Variants in DLG2 observed in about 807,000 individuals in gnomAD.
The protein encoded by DLG2 is discs large MAGUK scaffold protein 2.
In DLG2, 45 loss-of-function variants were observed where a neutral mutation model predicts 132.5. That is an observed-to-expected ratio of 0.34 (90% CI 0.27 to 0.44). The LOEUF (loss-of-function observed/expected upper bound fraction) is 0.44. Ranked by LOEUF, DLG2 falls within the 20% of genes least tolerant of loss-of-function variation. DLG2 has a pLI of 1.00. For synonymous variants in DLG2, 424 were observed against 419.6 expected, an observed-to-expected ratio of 1.01 and a Z score of -0.13; for missense variants, 1,045 against 1,196.9, an observed-to-expected ratio of 0.87 and a Z score of 1.87.
chr11:83,526,475 G>A (rs757542140), intron 21 of DLG2, among the ~76,000 whole-genome samples: 20 of 152,020 alleles, frequency 1.3e-4, no homozygotes, highest in Non-Finnish European at 1.2e-4. Context: ...GGTAGACATC[G>A]TGCTAGGTGC....
intron 15 of DLG2, among the ~76,000 whole-genome samples, chr11:83,887,885 G>C (rs2068414067): frequency 6.6e-6 from 1 of 150,586 alleles, no homozygotes; most frequent in Non-Finnish European, 1.5e-5. Context: ...AAAGGCCTTT[G>C]ACAAAATTCA....
At chr11:85,296,655 A>G (rs1259807882) in intron 3 of DLG2, among the ~76,000 whole-genome samples, 2 of 151,492 alleles carry the variant, frequency 1.3e-5, no homozygotes, top group East Asian at 3.9e-4. Context: ...TATCACTTGA[A>G]AAAAGTATCA....
At chr11:85,200,874 T>C (rs2081405891) in intron 4 of DLG2, among the ~76,000 whole-genome samples, 1 of 152,088 alleles carries the variant, frequency 6.6e-6, no homozygotes, top group Admixed American at 6.5e-5. Flanking sequence ...CAGACCTGTC[T>C]GAGCTAATGA....
At chr11:84,744,854 C>T (rs922215989) in intron 6 of DLG2, among the ~76,000 whole-genome samples, 1 of 137,342 alleles carries the variant, frequency 7.3e-6, no homozygotes, top group Non-Finnish European at 1.5e-5. Context: ...TTTTGAACTA[C>T]GAAAGTTTCT....
In DLG2 at chr11:83,833,241, C is replaced by T. The variant is rs577471539; in HGVS notation, c.1722+373G>A. On this transcript the variant is annotated intron_variant, in intron 17 of 27. Transcript: ENST00000376104. ...TCACCTGAGGTCAGGAGTTTGAGAC[C>T]AGTCTGGACAACATGGCGAAACCCT... 2.6e-5 allele frequency among the ~76,000 whole-genome samples: 4 copies of T among 152,174 alleles called. No homozygotes were observed. The East Asian group carries it at 7.7e-4, about 29-fold the overall frequency.
chr11:84,093,389 C>G (rs1392397066), intron 10 of DLG2, among the ~76,000 whole-genome samples: 2 of 152,174 alleles, frequency 1.3e-5, no homozygotes, highest in Non-Finnish European at 2.9e-5. Flanking sequence ...CCTTCATTTT[C>G]AATCCAGCAA....
At position 84,855,219 on chromosome 11, in the gene DLG2, T is replaced by C. The variant is rs547438917; in HGVS notation, c.357+256442A>G. ...TGGTTATGGAATTTGAATCTCACAC[T>C]TGGATTTAACATCAAGTATTATACA... On this transcript the variant is annotated intron_variant, in intron 6 of 27. Transcript: ENST00000376104. Among the ~76,000 whole-genome samples, 12 of 152,230 alleles carry C rather than the reference T, an allele frequency of 7.9e-5. No homozygotes were observed. The East Asian group carries it at 2.1e-3, about 27-fold the overall frequency.
At chr11:83,810,719 C>G (rs184886744) in intron 17 of DLG2, among the ~76,000 whole-genome samples, 2 of 152,162 alleles carry the variant, frequency 1.3e-5, no homozygotes, top group Non-Finnish European at 2.9e-5. Flanking sequence ...TCTGCCTTTT[C>G]CCATGCAAAA....
At chr11:85,352,340 T>A (rs991655124) in intron 3 of DLG2, among the ~76,000 whole-genome samples, 1 of 152,230 alleles carries the variant, frequency 6.6e-6, no homozygotes, top group Non-Finnish European at 1.5e-5. Context: ...ACCTATTTTG[T>A]TGATCTTTTC....
chr11:83,827,090 G>A lies in DLG2; in HGVS notation c.1722+6524C>T, dbSNP rs528106600. ...CCGGGAACCAGAGCCAGAGAGGAAC[G>A]GCACGGCAGGTATGGCATGGTGACT... is the stretch of plus-strand genomic sequence containing the variant. On this transcript the variant is annotated intron_variant, in intron 17 of 27. Coordinates refer to ENST00000376104, the MANE Select transcript of DLG2 (RefSeq NM_001142699.3). 5.9e-5 allele frequency among the ~76,000 whole-genome samples: 9 copies of A among 152,220 alleles called. No homozygotes were observed. In the South Asian group the frequency reaches 8.3e-4, roughly 14 times the overall value.
At chr11:84,943,933 T>C (rs1363197718) in intron 6 of DLG2, among the ~76,000 whole-genome samples, 2 of 152,222 alleles carry the variant, frequency 1.3e-5, no homozygotes, top group African/African-American at 2.4e-5. Flanking sequence ...AAATCTATTG[T>C]ATATGAAATC....
chr11:85,047,308 A>G (rs1290956262), intron 6 of DLG2, among the ~76,000 whole-genome samples: 1 of 151,980 alleles, frequency 6.6e-6, no homozygotes, highest in Non-Finnish European at 1.5e-5. Context: ...AATCATTACC[A>G]TAATACTTCT....
upstream of DLG2, chr11:85,627,894 T>C (rs952276256): frequency 1.3e-5 from 2 of 151,992 alleles, no homozygotes; most frequent in East Asian, 3.9e-4. Context: ...GGGTCGGGGG[T>C]TGCCGGTCTG....
chr11:84,415,376 T>C (rs1001976935), intron 7 of DLG2, among the ~76,000 whole-genome samples: 1 of 152,182 alleles, frequency 6.6e-6, no homozygotes, highest in African/African-American at 2.4e-5. Context: ...ACACATGATA[T>C]TATTATCATA....
intron 3 of DLG2, among the ~76,000 whole-genome samples, chr11:85,568,333 A>T (rs1293596142): frequency 6.6e-6 from 1 of 152,022 alleles, no homozygotes; most frequent in Non-Finnish European, 1.5e-5. Context: ...TTGTTTGCTA[A>T]CATTTTGTTG....
chr11:85,032,111 T>C (rs184318713), intron 6 of DLG2, among the ~76,000 whole-genome samples: 271 of 152,128 alleles, frequency 1.8e-3, no homozygotes, highest in African/African-American at 6.2e-3. Flanking sequence ...CCACCATACA[T>C]ATTTCAAAAA....
chr11:85,423,541 C>T (rs1213845993), intron 3 of DLG2, among the ~76,000 whole-genome samples: 2 of 152,078 alleles, frequency 1.3e-5, no homozygotes, highest in African/African-American at 2.4e-5. Context: ...TAGGGAAGAA[C>T]CACTGGGTGG....
chr11:84,510,561 A>G (rs2099254429), intron 7 of DLG2, among the ~76,000 whole-genome samples: 3 of 152,170 alleles, frequency 2.0e-5, no homozygotes, highest in Admixed American at 6.6e-5. Flanking sequence ...TTGTAAAATG[A>G]GAATAACAAT....
At chr11:84,990,255 G>T (rs2056943881) in intron 6 of DLG2, among the ~76,000 whole-genome samples, 1 of 152,184 alleles carries the variant, frequency 6.6e-6, no homozygotes, top group African/African-American at 2.4e-5. Flanking sequence ...TTCATCATCT[G>T]CTATGCTTTG....
Sources: gnomAD v4.1 joint callset for allele counts (sites outside exome capture counted in the v4.1 genomes callset) on GRCh38, gnomAD v4.1.1 for gene constraint, MANE v1.5 for transcripts, NCBI Gene and HGNC (gene_info 2026-07-23, HGNC 2026-07-21) for gene names.